The following ADAM19 variants were observed in gnomAD, a reference collection of about 807,000 sequenced individuals.
ADAM19 encodes the protein ADAM metallopeptidase domain 19, also known as disintegrin and metalloproteinase domain-containing protein 19.
A neutral mutation model predicts 114.7 loss-of-function variants in ADAM19; 65 were observed. The ratio of observed to expected loss-of-function variants is 0.57; its 90% CI spans 0.46 to 0.70. ADAM19 has a LOEUF of 0.70. ADAM19 is among the 30% of genes least tolerant of loss of function. The pLI is 0.00. For synonymous variants in ADAM19, 466 were observed against 460.5 expected, an observed-to-expected ratio of 1.01 and a Z score of -0.15; for missense variants, 1,063 against 1,204.7, an observed-to-expected ratio of 0.88 and a Z score of 1.74.
chr5:157,540,818 C>T (rs753625469), intron 3 of ADAM19, among the ~76,000 whole-genome samples: 4 of 152,146 alleles, frequency 2.6e-5, no homozygotes, highest in Admixed American at 6.5e-5. Flanking sequence ...TGTTTTACTC[C>T]GGATTAAAAA....
At chr5:157,490,238 G>T in intron 19 of ADAM19, 72 bp downstream of exon 19, 6 of 1,559,746 alleles carry the variant, frequency 3.8e-6, no homozygotes, top group Non-Finnish European at 5.3e-6. Flanking sequence ...CAACACTTTT[G>T]CTAAGTACCA....
chr5:157,517,105 A>G (rs1448630891), intron 7 of ADAM19, among the ~76,000 whole-genome samples: 2 of 152,216 alleles, frequency 1.3e-5, no homozygotes, highest in Non-Finnish European at 2.9e-5. Flanking sequence ...CTTTTAAGAC[A>G]GCTTCAAGGG....
intron 10 of ADAM19, 126 bp from the exon 11 acceptor site, chr5:157,505,934 C>G (rs914060114): frequency 1.8e-6 from 2 of 1,088,630 alleles, no homozygotes; most frequent in Admixed American, 2.6e-5. Context: ...AGCATACAGA[C>G]TCTCCATATG....
Position 157,494,809 on chromosome 5 carries a change from C to CA in ADAM19, c.1595-15dup, listed in dbSNP as rs1755302526. On this transcript the variant is annotated splice_polypyrimidine_tract_variant and intron_variant, in intron 14 of 22. Coordinates refer to ENST00000257527, the MANE Select transcript of ADAM19 (RefSeq NM_033274.5). ...CAGGTCGGGCTCCTGGGTGGGCAAG[C>CA]AACATCTATCAGTATACTCATCTGT... is the stretch of plus-strand genomic sequence containing the variant. 1 of 1,607,110 alleles carries CA rather than the reference C, an allele frequency of 6.2e-7. No individual in the cohort carries two copies. The highest frequency in any genetic ancestry group is 1.1e-5 in the South Asian group (1 of 90,892).
At chr5:157,571,325 A>T (rs2113802117) in intron 1 of ADAM19, among the ~76,000 whole-genome samples, 1 of 152,308 alleles carries the variant, frequency 6.6e-6, no homozygotes, top group African/African-American at 2.4e-5. Context: ...ATGGCATTTG[A>T]GTCCTGAGGA....
chr5:157,526,226 C>A (rs1383572056), intron 5 of ADAM19, among the ~76,000 whole-genome samples: 1 of 151,092 alleles, frequency 6.6e-6, no homozygotes, highest in Non-Finnish European at 1.5e-5. Context: ...ATAAAGGATA[C>A]CTCCAACAGT....
At chr5:157,533,377 G>A (rs1385583834) in intron 4 of ADAM19, among the ~76,000 whole-genome samples, 2 of 152,204 alleles carry the variant, frequency 1.3e-5, no homozygotes, top group African/African-American at 4.8e-5. Flanking sequence ...AGGCGTGGCA[G>A]GCAAAACCCT....
At chr5:157,537,586 C>T (rs9313634) in intron 4 of ADAM19, among the ~76,000 whole-genome samples, 86,879 of 152,086 alleles carry the variant, frequency 0.57, 26,099 homozygotes, top group African/African-American at 0.76. Context: ...GAGTAAGTCA[C>T]TCCTTTTACT....
At chr5:157,504,269 A>G (rs1755666070) in intron 11 of ADAM19, among the ~76,000 whole-genome samples, 1 of 152,124 alleles carries the variant, frequency 6.6e-6, no homozygotes, top group South Asian at 2.1e-4. Flanking sequence ...TTTGAGACGG[A>G]GTCTTGCTCC....
rs371014951 is a variant in ADAM19, at chr5:157,505,713, C to T, written c.1086G>A (p.Ser362=). The part of the protein sequence containing the change: ...GMTHDSADCC[S]ASAADGGCIM... ...TGCACCCACCATCAGCCGCACTGGCCGAGCAGCAATCTGCAGAATCATGGG... is the reference window on the plus strand; with the variant it reads ...TGCACCCACCATCAGCCGCACTGGCTGAGCAGCAATCTGCAGAATCATGGG... Residue 362 remains serine (S), a synonymous_variant, in exon 11 of 23, where the codon TCG becomes TCA. Transcript: ENST00000257527. 2.6e-5 allele frequency: 42 copies of T among 1,614,088 alleles called. No homozygotes were observed. Among genetic ancestry groups the T allele is most frequent in the South Asian group, 4.4e-5 (4 of 91,064 alleles).
chr5:157,496,341 T>C (rs953167028), intron 14 of ADAM19, among the ~76,000 whole-genome samples: 3 of 152,188 alleles, frequency 2.0e-5, no homozygotes, highest in Non-Finnish European at 2.9e-5. Context: ...TGGCTAACAA[T>C]GGTGCAGTAA....
intron 18 of ADAM19, among the ~76,000 whole-genome samples, chr5:157,490,796 G>A (rs1755127498): frequency 6.6e-6 from 1 of 151,546 alleles, no homozygotes; most frequent in African/African-American, 2.4e-5. Context: ...GGAGGCTGAG[G>A]CAGGAGAATC....
At chr5:157,529,968 C>G (rs1756577855) in intron 5 of ADAM19, among the ~76,000 whole-genome samples, 1 of 152,172 alleles carries the variant, frequency 6.6e-6, no homozygotes, top group Non-Finnish European at 1.5e-5. Context: ...TCCTATTTCA[C>G]CACCTCCAAG....
chr5:157,479,655 G>A lies in ADAM19; in HGVS notation c.*1294C>T. The A allele has an allele frequency of 5.1e-6, 5 of 986,030 alleles. No homozygotes were observed. The highest frequency in any genetic ancestry group is 6.0e-6 in the Non-Finnish European group (5 of 830,090). 61.1% of individuals were successfully genotyped at this position (986,030 alleles called of 1,614,324 possible). A position where few individuals can be genotyped will look rare whatever the true frequency, so the allele number is the denominator to read the frequency against. ...GTCAGGTAAGGGCAGTGACCAGAGA[G>A]AGAACAAAAGGAAGTGAATGACAAA... On this transcript the variant is annotated 3_prime_UTR_variant, in exon 23 of 23. Coordinates refer to ENST00000257527, the MANE Select transcript of ADAM19 (RefSeq NM_033274.5).
chr5:157,557,869 G>A (rs1028994312), intron 3 of ADAM19, among the ~76,000 whole-genome samples: 1 of 152,136 alleles, frequency 6.6e-6, no homozygotes, highest in African/African-American at 2.4e-5. Flanking sequence ...TTGGGGACTA[G>A]GACTTCAACA....
chr5:157,478,615 A>G lies in ADAM19; in HGVS notation c.*2334T>C. The stretch of plus-strand genomic sequence containing the variant: ...AAAGAAAAGGGGATGCATAATGGCC[A>G]GTCTTCCTCCTGGGCAGCCTCCCTG... On this transcript the variant is annotated 3_prime_UTR_variant, in exon 23 of 23. Transcript: ENST00000257527. The G allele has an allele frequency of 2.0e-6, 2 of 985,872 alleles. No individual in the cohort carries two copies. Among genetic ancestry groups the G allele is most frequent in the Non-Finnish European group, 2.4e-6 (2 of 829,946 alleles). 61.1% of individuals were successfully genotyped at this position (985,872 alleles called of 1,614,324 possible).
intron 5 of ADAM19, among the ~76,000 whole-genome samples, chr5:157,526,697 T>C (rs545681121): frequency 3.9e-5 from 6 of 151,954 alleles, no homozygotes; most frequent in Non-Finnish European, 8.8e-5. Flanking sequence ...CTCAGCTCAC[T>C]GCAACCTCTG....
intron 3 of ADAM19, among the ~76,000 whole-genome samples, chr5:157,559,851 T>G (rs1377406483): frequency 6.6e-6 from 1 of 152,202 alleles, no homozygotes; most frequent in African/African-American, 2.4e-5. Flanking sequence ...GTCCCGTGAT[T>G]TGGGGCACCT....
At chr5:157,505,907 C>A in intron 10 of ADAM19, 99 bp from the exon 11 acceptor site, 1 of 1,358,820 alleles carries the variant, frequency 7.4e-7, no homozygotes, top group Non-Finnish European at 1.0e-6. Context: ...AGGTCTCCAC[C>A]AATTCCACTG....
Sources: gnomAD v4.1 joint callset for allele counts (sites outside exome capture counted in the v4.1 genomes callset) on GRCh38, gnomAD v4.1.1 for gene constraint, MANE v1.5 for transcripts, NCBI Gene and HGNC (gene_info 2026-07-23, HGNC 2026-07-21) for gene names.